The following THEMIS variants were observed in gnomAD, a reference collection of about 807,000 sequenced individuals.
The protein encoded by THEMIS is protein THEMIS.
A neutral mutation model predicts 52.6 loss-of-function variants in THEMIS; 37 were observed. The ratio of observed to expected loss-of-function variants is 0.70; its 90% confidence interval spans 0.54 to 0.93. The LOEUF (loss-of-function observed/expected upper bound fraction) is 0.93. Ranked by LOEUF, THEMIS falls within the 40% of genes least tolerant of loss-of-function variation. The pLI is 0.00. For missense variants in THEMIS, 808 were observed against 763.1 expected, an observed-to-expected ratio of 1.06 and a Z score of -0.69; for synonymous variants, 292 against 272.7, an observed-to-expected ratio of 1.07 and a Z score of -0.70.
chr6:127,813,442 A>T lies in THEMIS; in HGVS notation c.1199T>A (p.Leu400His). 1.2e-6 allele frequency: 2 copies of T among 1,614,032 alleles called. No homozygotes were observed. Residue 400 changes from leucine (L) to histidine (H), a missense_variant, in exon 4 of 6, where the codon CTC (leucine) becomes CAC (histidine). Coordinates refer to ENST00000368248, the MANE Select transcript of THEMIS (RefSeq NM_001010923.3). ...LVHQSETTEV[L>H]CEGIKKVVNV... Reference sequence around the variant, plus strand: ...CACCACTTTTTTTATTCCCTCACAGAGGACTTCAGTCGTCTCTGACTGATG... The same window carrying T: ...CACCACTTTTTTTATTCCCTCACAGTGGACTTCAGTCGTCTCTGACTGATG...
chr6:127,760,295 T>C (rs1583243373), intron 4 of THEMIS, among the ~76,000 whole-genome samples: 1 of 152,170 alleles, frequency 6.6e-6, no homozygotes, highest in East Asian at 1.9e-4. Context: ...AGATTTGTAA[T>C]ATATTTTGAA....
At chr6:127,897,437 AAATC>A (rs997046819) in intron 1 of THEMIS, among the ~76,000 whole-genome samples, 1 of 151,476 alleles carries the variant, frequency 6.6e-6, no homozygotes, top group Non-Finnish European at 1.5e-5. Flanking sequence ...AAACTCCATC[AAATC>A]AATAACAAAA....
chr6:127,792,273 C>T (rs939336217), intron 4 of THEMIS, among the ~76,000 whole-genome samples: 1 of 152,186 alleles, frequency 6.6e-6, no homozygotes, highest in Non-Finnish European at 1.5e-5. Flanking sequence ...AAAAGATACT[C>T]TTAAATAGCT....
At chr6:127,811,772 A>C (rs754487825) in intron 4 of THEMIS, among the ~76,000 whole-genome samples, 4 of 152,180 alleles carry the variant, frequency 2.6e-5, no homozygotes, top group Non-Finnish European at 4.4e-5. Context: ...TACCCTTCAA[A>C]ACAATAGCAA....
intron 4 of THEMIS, among the ~76,000 whole-genome samples, chr6:127,727,848 A>T (rs999102535): frequency 1.3e-5 from 2 of 152,262 alleles, no homozygotes; most frequent in South Asian, 4.1e-4. Context: ...CCTCAGCTCA[A>T]CTTAAGCCTG....
At chr6:127,843,051 T>C (rs1409964436) in intron 2 of THEMIS, among the ~76,000 whole-genome samples, 1 of 152,042 alleles carries the variant, frequency 6.6e-6, no homozygotes, top group East Asian at 1.9e-4. Flanking sequence ...AGGAAGCACG[T>C]CCCAAAGCTT....
chr6:127,725,009 A>G (rs994799456), intron 4 of THEMIS, among the ~76,000 whole-genome samples: 46 of 152,068 alleles, frequency 3.0e-4, no homozygotes, highest in African/African-American at 1.1e-3. Context: ...TTTTCTTTAG[A>G]GAGCTACAAA....
At chr6:127,870,781 A>C (rs780658802) in intron 1 of THEMIS, among the ~76,000 whole-genome samples, 50 of 152,166 alleles carry the variant, frequency 3.3e-4, no homozygotes, top group Non-Finnish European at 6.0e-4. Flanking sequence ...ATCTACCAGG[A>C]AGATAAGGAA....
In THEMIS at chr6:127,810,562, C is replaced by T. The variant is rs748727132; in HGVS notation, c.1758+2321G>A. ...CTCCAGTAAATGGAACAATAAGAGG[C>T]CATCTCAGAACCAGAGATGGAGCCT... On this transcript the variant is annotated intron_variant, in intron 4 of 5. Coordinates refer to ENST00000368248, the MANE Select transcript of THEMIS (RefSeq NM_001010923.3). Among the ~76,000 whole-genome samples, 10 of 152,262 alleles carry T rather than the reference C, an allele frequency of 6.6e-5. No homozygotes were observed. The South Asian group carries it at 1.9e-3, about 28-fold the overall frequency.
At chr6:127,896,057 A>T (rs1007249218) in intron 1 of THEMIS, among the ~76,000 whole-genome samples, 44 of 151,608 alleles carry the variant, frequency 2.9e-4, no homozygotes, top group African/African-American at 1.0e-3. Flanking sequence ...ATGTAAAAAA[A>T]ACTATGTAAT....
chr6:127,796,717 A>G (rs1777340788), intron 4 of THEMIS, among the ~76,000 whole-genome samples: 1 of 152,238 alleles, frequency 6.6e-6, no homozygotes, highest in African/African-American at 2.4e-5. Context: ...ACTAATATGT[A>G]TAGACACGCA....
intron 2 of THEMIS, among the ~76,000 whole-genome samples, chr6:127,832,777 CTTTTTTTTTTTTT>C (rs11355741): frequency 1.0e-4 from 6 of 57,796 alleles, no homozygotes; most frequent in African/African-American, 1.5e-4. Flanking sequence ...ATTGTCAGAT[CTTTTTTTTTTTTT>C]TTTTTTTTTT....
At position 127,716,927 on chromosome 6, in the gene THEMIS, C is replaced by T. The variant is rs539621602; in HGVS notation, c.1894+2761G>A. Among the ~76,000 whole-genome samples the T allele has an allele frequency of 4.6e-5, 7 of 151,940 alleles. 1 individual carries two copies. The highest frequency in any genetic ancestry group is 1.7e-4 in the African/African-American group (7 of 41,486). On this transcript the variant is annotated intron_variant, in intron 5 of 5. Transcript: ENST00000368248. The stretch of plus-strand genomic sequence containing the variant: ...AGTGACATCATCAAAAAGGGTTTCT[C>T]ACCCCCTCCATGTTCATAGCATTCA...
At chr6:127,703,078 C>T (rs1456955953), downstream of THEMIS, among the ~76,000 whole-genome samples, 12 of 86,950 alleles carry the variant, frequency 1.4e-4, no homozygotes, top group East Asian at 2.1e-3. Context: ...GACGGAGTCT[C>T]GCTCTGTCGC....
intron 4 of THEMIS, among the ~76,000 whole-genome samples, chr6:127,751,197 G>A (rs191428050): frequency 6.6e-6 from 1 of 151,842 alleles, no homozygotes; most frequent in Non-Finnish European, 1.5e-5. Flanking sequence ...GTCATAAATA[G>A]TGACATCAAT....
chr6:127,843,416 T>C (rs1355782166), intron 2 of THEMIS, among the ~76,000 whole-genome samples: 1 of 151,980 alleles, frequency 6.6e-6, no homozygotes, highest in Non-Finnish European at 1.5e-5. Context: ...CTACTTGAAT[T>C]TGGACAGTCT....
At chr6:127,710,154 C>A in intron 5 of THEMIS, 138 bp from the exon 6 acceptor site, 10 of 485,946 alleles carry the variant, frequency 2.1e-5, no homozygotes, top group South Asian at 8.0e-5. Context: ...CAGAAAGAGC[C>A]AGCAAAATAA....
At chr6:127,853,892 T>C (rs577268773) in intron 2 of THEMIS, among the ~76,000 whole-genome samples, 2 of 151,662 alleles carry the variant, frequency 1.3e-5, no homozygotes, top group Non-Finnish European at 1.5e-5. Context: ...GGGATTCAAG[T>C]ACAATGGCTG....
intron 1 of THEMIS, among the ~76,000 whole-genome samples, chr6:127,891,321 A>G (rs1780798049): frequency 6.6e-6 from 1 of 152,064 alleles, no homozygotes; most frequent in African/African-American, 2.4e-5. Flanking sequence ...ACCTGAGGTC[A>G]GGAGTTCAAG....
Sources: allele counts gnomAD v4.1 joint callset (sites outside exome capture counted in the v4.1 genomes callset), GRCh38; gene constraint gnomAD v4.1.1; transcripts MANE v1.5; gene names NCBI Gene and HGNC (gene_info 2026-07-23, HGNC 2026-07-21).